Variants in CTIF observed in about 807,000 individuals in gnomAD.
CTIF encodes the protein cap binding complex dependent translation initiation factor.
In CTIF, 21 loss-of-function variants were observed where a neutral mutation model predicts 66.0. That is an observed-to-expected ratio of 0.32 (90% CI 0.23 to 0.46). The LOEUF (loss-of-function observed/expected upper bound fraction) is 0.46. Among genes scored for constraint, CTIF ranks in the 20% least tolerant of loss-of-function variants. CTIF has a pLI of 1.00. For missense variants in CTIF, 739 were observed against 812.7 expected (o/e 0.91, Z 1.10); for synonymous variants, 345 against 326.4 (o/e 1.06, Z -0.62).
rs182757323 is a variant in CTIF at position 48,787,148 on chromosome 18, G to A, written c.1371+25459G>A. Among the ~76,000 whole-genome samples, 26 of 151,854 alleles carry A rather than the reference G, an allele frequency of 1.7e-4. No homozygotes were observed. In the East Asian group the frequency reaches 3.3e-3, roughly 19 times the overall value. On this transcript the variant is annotated intron_variant, in intron 9 of 11. Coordinates refer to ENST00000256413, the MANE Select transcript of CTIF (RefSeq NM_014772.3). ...ACTGGCTCTCTGGGAGCAGCTGTGT[G>A]GGGGGCACCGGCCCAGAAGGATGAC...
intron 6 of CTIF, among the ~76,000 whole-genome samples, chr18:48,707,159 G>T (rs968355733): frequency 1.3e-5 from 2 of 152,184 alleles, no homozygotes; most frequent in Non-Finnish European, 1.5e-5. Flanking sequence ...TCTACATGGG[G>T]CCCTTTCAAA....
At chr18:48,841,639 C>T (rs952316009) in intron 10 of CTIF, among the ~76,000 whole-genome samples, 3 of 152,036 alleles carry the variant, frequency 2.0e-5, no homozygotes, top group South Asian at 2.1e-4. Flanking sequence ...CTGCTTTGCT[C>T]GATTCAAGAC....
intron 2 of CTIF, among the ~76,000 whole-genome samples, chr18:48,635,501 T>A (rs2090802521): frequency 6.6e-6 from 1 of 152,134 alleles, no homozygotes; most frequent in Non-Finnish European, 1.5e-5. Flanking sequence ...TTTTTGCTTT[T>A]GTTTTAGTAG....
chr18:48,561,388 G>A (rs1005354221), intron 1 of CTIF, among the ~76,000 whole-genome samples: 3 of 152,094 alleles, frequency 2.0e-5, no homozygotes, highest in Non-Finnish European at 4.4e-5. Flanking sequence ...CCTTGTCCTG[G>A]GCATATAGTG....
intron 1 of CTIF, among the ~76,000 whole-genome samples, chr18:48,585,094 C>T (rs1043460933): frequency 6.6e-6 from 1 of 152,196 alleles, no homozygotes; most frequent in South Asian, 2.1e-4. Context: ...GTGAGGCCTG[C>T]GGATGGGGCA....
At chr18:48,685,924 A>G (rs2091833734) in intron 6 of CTIF, among the ~76,000 whole-genome samples, 1 of 150,886 alleles carries the variant, frequency 6.6e-6, no homozygotes, top group Non-Finnish European at 1.5e-5. Context: ...TGATACACCC[A>G]CCTCGGCCTC....
chr18:48,677,833 C>T (rs953254655), intron 6 of CTIF, among the ~76,000 whole-genome samples: 3 of 152,224 alleles, frequency 2.0e-5, no homozygotes, highest in Admixed American at 1.3e-4. Context: ...GAGGGACTCC[C>T]ACCCAGCATC....
At chr18:48,817,688 A>C (rs1417719925) in intron 10 of CTIF, among the ~76,000 whole-genome samples, 4 of 151,820 alleles carry the variant, frequency 2.6e-5, no homozygotes, top group Non-Finnish European at 2.9e-5. Context: ...AGGCAGGAGA[A>C]TTGCTTGAAC....
chr18:48,701,073 C>G (rs16949825), intron 6 of CTIF, among the ~76,000 whole-genome samples: 20,727 of 152,188 alleles, frequency 0.14, 1,853 homozygotes, highest in African/African-American at 0.25. Flanking sequence ...AGCTTGCTCT[C>G]TAGAGTTCTT....
intron 6 of CTIF, among the ~76,000 whole-genome samples, chr18:48,678,065 CTCTT>C (rs1185353649): frequency 3.3e-5 from 5 of 152,180 alleles, no homozygotes; most frequent in Admixed American, 6.5e-5. Flanking sequence ...CCTCTGGTAC[CTCTT>C]TCTAAGGAGG....
At chr18:48,691,888 TTTC>T in intron 6 of CTIF, among the ~76,000 whole-genome samples, 1 of 152,150 alleles carries the variant, frequency 6.6e-6, no homozygotes, top group East Asian at 1.9e-4. Context: ...ATTTTATCCT[TTTC>T]TTCTTTTTGA....
chr18:48,622,922 A>T (rs2144459992), intron 2 of CTIF, among the ~76,000 whole-genome samples: 1 of 152,286 alleles, frequency 6.6e-6, no homozygotes, highest in Non-Finnish European at 1.5e-5. Context: ...CTCCAGCTGA[A>T]ATTTGCTCTA....
intron 3 of CTIF, among the ~76,000 whole-genome samples, chr18:48,659,162 G>A (rs1370357708): frequency 6.6e-6 from 1 of 152,074 alleles, no homozygotes; most frequent in Non-Finnish European, 1.5e-5. Flanking sequence ...CAAACCCCAA[G>A]GAGGTGTCCA....
At chr18:48,561,468 A>G (rs2089162516) in intron 1 of CTIF, among the ~76,000 whole-genome samples, 1 of 152,164 alleles carries the variant, frequency 6.6e-6, no homozygotes, top group Non-Finnish European at 1.5e-5. Flanking sequence ...GCTTTGCAGC[A>G]ACGGAGTCTT....
At chr18:48,582,252 G>T (rs1394812080) in intron 1 of CTIF, among the ~76,000 whole-genome samples, 1 of 152,066 alleles carries the variant, frequency 6.6e-6, no homozygotes, top group Non-Finnish European at 1.5e-5. Context: ...AAGGCGGCAG[G>T]GGGCAGGAGG....
At chr18:48,729,390 C>G (rs1407919809) in intron 7 of CTIF, among the ~76,000 whole-genome samples, 1 of 152,138 alleles carries the variant, frequency 6.6e-6, no homozygotes, top group Non-Finnish European at 1.5e-5. Flanking sequence ...TATTGAAATC[C>G]TTGCATCTGT....
rs570816873 is a variant in CTIF, at chr18:48,846,544, T to C, written c.1528-11044T>C. ...ATGGATGGATGGATGGATGGATAGGTGAATAGACAGATGAATGAAAGGATG... is the reference window on the plus strand; with the variant it reads ...ATGGATGGATGGATGGATGGATAGGCGAATAGACAGATGAATGAAAGGATG... On this transcript the variant is annotated intron_variant, in intron 10 of 11. Transcript: ENST00000256413. 1.8e-4 allele frequency among the ~76,000 whole-genome samples: 27 copies of C among 149,718 alleles called. 1 individual carries two copies. The South Asian group carries it at 5.5e-3, about 31-fold the overall frequency.
At chr18:48,633,197 G>C (rs2090753598) in intron 2 of CTIF, among the ~76,000 whole-genome samples, 1 of 152,176 alleles carries the variant, frequency 6.6e-6, no homozygotes, top group African/African-American at 2.4e-5. Flanking sequence ...CACCTAGGAT[G>C]GGATGAGGAG....
At chr18:48,775,032 A>G (rs569102676) in intron 9 of CTIF, among the ~76,000 whole-genome samples, 1 of 152,242 alleles carries the variant, frequency 6.6e-6, no homozygotes, top group South Asian at 2.1e-4. Flanking sequence ...GTCACCTGGA[A>G]TCAGCCTTCC....
Sources: allele counts gnomAD v4.1 joint callset (sites outside exome capture counted in the v4.1 genomes callset), GRCh38; gene constraint gnomAD v4.1.1; transcripts MANE v1.5; gene names NCBI Gene and HGNC (gene_info 2026-07-23, HGNC 2026-07-21).